DSG4: variants seen among roughly 807,000 people sequenced by gnomAD.
The protein encoded by DSG4 is desmoglein 4.
In DSG4, 87 loss-of-function variants were observed where a neutral mutation model predicts 93.1. The ratio of observed to expected loss-of-function variants is 0.93; its 90% CI spans 0.79 to 1.12. The LOEUF (loss-of-function observed/expected upper bound fraction) is 1.12. Ranked by LOEUF, DSG4 falls within the 50% of genes most tolerant of loss-of-function variation. DSG4 has a pLI of 0.00. For missense variants in DSG4, 1,373 were observed against 1,285.7 expected, an observed-to-expected ratio of 1.07 and a Z score of -1.04; for synonymous variants, 432 against 452.9, an observed-to-expected ratio of 0.95 and a Z score of 0.59.
intron 1 of DSG4, among the ~76,000 whole-genome samples, chr18:31,380,093 A>T (rs1041193820): frequency 3.3e-5 from 5 of 152,196 alleles, no homozygotes; most frequent in East Asian, 3.8e-4. Flanking sequence ...TGCAGAGTCC[A>T]TGGGGAGAAC....
At chr18:31,408,344 A>G (rs1462415257) in intron 12 of DSG4, among the ~76,000 whole-genome samples, 2 of 152,246 alleles carry the variant, frequency 1.3e-5, no homozygotes, top group Non-Finnish European at 2.9e-5. Context: ...GCTCACATTT[A>G]AATTCACAGA....
intron 11 of DSG4, 123 bp downstream of exon 11, chr18:31,403,757 C>A: frequency 1.4e-5 from 12 of 877,080 alleles, no homozygotes; most frequent in Middle Eastern, 2.6e-4. Context: ...GCCATATTAA[C>A]ATTAAATGAA....
chr18:31,390,617 A>T, intron 5 of DSG4, 39 bp from the exon 6 acceptor site: 1 of 1,611,610 alleles, frequency 6.2e-7, no homozygotes, highest in Non-Finnish European at 8.5e-7. Flanking sequence ...ATTTATTCTA[A>T]GAGTCCCAAC....
chr18:31,399,665 T>G, intron 9 of DSG4, 122 bp downstream of exon 9: 1 of 1,277,344 alleles, frequency 7.8e-7, no homozygotes, highest in Non-Finnish European at 1.1e-6. Flanking sequence ...ATTCCTTTGA[T>G]TTAAAAGACT....
At chr18:31,388,130 T>C (rs1003812753) in intron 3 of DSG4, among the ~76,000 whole-genome samples, 1 of 152,048 alleles carries the variant, frequency 6.6e-6, no homozygotes, top group Non-Finnish European at 1.5e-5. Context: ...CAAGTGTGTA[T>C]GTTATACACA....
intron 8 of DSG4, 70 bp downstream of exon 8, chr18:31,392,410 G>C: frequency 6.6e-7 from 1 of 1,519,566 alleles, no homozygotes; most frequent in Non-Finnish European, 9.0e-7. Context: ...AATGACCTTA[G>C]AGACAGAATC....
intron 4 of DSG4, 135 bp from the exon 5 acceptor site, chr18:31,388,739 T>C (rs1429680050): frequency 4.3e-6 from 6 of 1,404,040 alleles, no homozygotes; most frequent in Non-Finnish European, 4.0e-6. Context: ...CTGATCATAT[T>C]TAAATTATTT....
At chr18:31,407,650 G>A (rs1012594802) in intron 12 of DSG4, among the ~76,000 whole-genome samples, 2 of 152,160 alleles carry the variant, frequency 1.3e-5, no homozygotes, top group African/African-American at 2.4e-5. Context: ...ATCATTTCAA[G>A]GCATAAAAAA....
In DSG4 at chr18:31,392,290, G is replaced by A. The variant is rs140750904; in HGVS notation, c.955G>A (p.Asp319Asn). ...CTCTGGAAATGATGGGAATTGGTTC[G>A]ATATTCAAACAGATCCACAAACCAA... Reference protein sequence around the residue: ...ILSGNDGNWFDIQTDPQTNEG... With the variant: ...ILSGNDGNWFNIQTDPQTNEG... Residue 319 changes from aspartate (D) to asparagine (N), a missense_variant, in exon 8 of 16, where the codon GAT becomes AAT. Asp to Asn is a conservative substitution (Grantham distance 23). Coordinates refer to ENST00000308128, the MANE Select transcript of DSG4 (RefSeq NM_177986.5). The A allele has an allele frequency of 6.5e-4, 1,045 of 1,613,692 alleles. 3 individuals are homozygous for A. Among genetic ancestry groups the A allele is most frequent in the Middle Eastern group, 2.1e-3 (13 of 6,054 alleles).
chr18:31,403,251 C>T (rs1265798850), intron 10 of DSG4, among the ~76,000 whole-genome samples, 165 bp from the exon 11 acceptor site: 1 of 152,064 alleles, frequency 6.6e-6, no homozygotes, highest in African/African-American at 2.4e-5. Context: ...AGGTAGCACA[C>T]AAAGGGAAGA....
chr18:31,403,851 T>C (rs1478223221), intron 11 of DSG4, among the ~76,000 whole-genome samples: 2 of 152,222 alleles, frequency 1.3e-5, no homozygotes, highest in Non-Finnish European at 2.9e-5. Flanking sequence ...TAATATTTAA[T>C]TTACAAATAG....
intron 14 of DSG4, 70 bp from the exon 15 acceptor site, chr18:31,411,161 G>T: frequency 6.2e-7 from 1 of 1,614,100 alleles, no homozygotes; most frequent in South Asian, 1.1e-5. Flanking sequence ...AGACGGCGGC[G>T]GCAGCGTTTT....
intron 1 of DSG4, among the ~76,000 whole-genome samples, chr18:31,383,040 C>T (rs1259005012): frequency 6.6e-6 from 1 of 152,200 alleles, no homozygotes; most frequent in African/African-American, 2.4e-5. Context: ...CTTTCAAGTC[C>T]TTAAAAATGA....
intron 8 of DSG4, among the ~76,000 whole-genome samples, chr18:31,395,023 C>T (rs2072290834): frequency 6.6e-6 from 1 of 152,120 alleles, no homozygotes; most frequent in Admixed American, 6.5e-5. Context: ...CTACCCCCAG[C>T]ACCTGGTCCA....
rs2144209819 is a variant in DSG4 at position 31,406,390 on chromosome 18, A to G, written c.1933+17A>G. On this transcript the variant is annotated intron_variant, in intron 12 of 15. Transcript: ENST00000308128. ...TACTGATTTGTAAGTACTCAATTAA[A>G]TCCTTCTTTTCAATAGTTCTTCAAA... The G allele has an allele frequency of 6.2e-7, 1 of 1,613,924 alleles. No individual in the cohort carries two copies. The highest frequency in any genetic ancestry group is 8.5e-7 in the Non-Finnish European group (1 of 1,180,006).
rs188240079 is a variant in DSG4 at position 31,399,876 on chromosome 18, G to C, written c.1277+333G>C. 3.7e-3 allele frequency among the ~76,000 whole-genome samples: 560 copies of C among 152,198 alleles called. 2 individuals are homozygous for C. Among genetic ancestry groups the C allele is most frequent in the Non-Finnish European group, 5.0e-3 (342 of 68,002 alleles). On this transcript the variant is annotated intron_variant, in intron 9 of 15. Coordinates refer to ENST00000308128, the MANE Select transcript of DSG4 (RefSeq NM_177986.5). ...CGGGGCTGATTAAGCCATATTGTGG[G>C]CAATAAGTCACCATAAAAGTTGAGT... is the stretch of plus-strand genomic sequence containing the variant.
intron 1 of DSG4, among the ~76,000 whole-genome samples, chr18:31,380,967 T>A (rs1467066778): frequency 6.6e-6 from 1 of 152,112 alleles, no homozygotes; most frequent in Non-Finnish European, 1.5e-5. Context: ...CCCAGAAAAA[T>A]TTCTACAGTT....
chr18:31,406,275 C>T lies in DSG4; in HGVS notation c.1835C>T (p.Thr612Met), dbSNP rs761115306. The T allele has an allele frequency of 8.1e-6, 13 of 1,614,080 alleles. 1 individual carries two copies. Among genetic ancestry groups the T allele is most frequent in the Middle Eastern group, 3.3e-4 (2 of 6,084 alleles). Residue 612 changes from threonine (T) to methionine (M), a missense_variant, in exon 12 of 16, where the codon ACG becomes ATG. By Grantham distance (81) the Thr-to-Met change is moderately conservative (BLOSUM62 -1). Coordinates refer to ENST00000308128, the MANE Select transcript of DSG4 (RefSeq NM_177986.5). ...TACACAGAGGACATAACTGGTGACACGTATGGGCCTGTCACTGAAGACCAA... is the reference window on the plus strand; with the variant it reads ...TACACAGAGGACATAACTGGTGACATGTATGGGCCTGTCACTGAAGACCAA... ...GIYTEDITGD[T>M]YGPVTEDQAG...
chr18:31,409,941 G>A (rs2072467927), intron 14 of DSG4, 133 bp downstream of exon 14: 2 of 1,063,134 alleles, frequency 1.9e-6, no homozygotes, highest in Middle Eastern at 2.4e-4. Flanking sequence ...GAGGGAATGT[G>A]ACCTGTTTGA....
Sources: gnomAD v4.1 joint callset for allele counts (sites outside exome capture counted in the v4.1 genomes callset) on GRCh38, gnomAD v4.1.1 for gene constraint, MANE v1.5 for transcripts, NCBI Gene and HGNC (gene_info 2026-07-23, HGNC 2026-07-21) for gene names.